The following GPATCH1 variants were observed in gnomAD, a reference collection of about 807,000 sequenced individuals.
GPATCH1 encodes G patch domain-containing protein 1.
Under a neutral mutation model 114.9 loss-of-function variants are expected in GPATCH1, and 73 were observed. The ratio of observed to expected loss-of-function variants is 0.64; its 90% CI spans 0.53 to 0.77. GPATCH1 has a LOEUF of 0.77. Ranked by LOEUF, GPATCH1 falls within the 30% of genes least tolerant of loss-of-function variation. The pLI, the probability that GPATCH1 is intolerant of heterozygous loss-of-function variation, is 0.00. For missense variants in GPATCH1, 1,058 were observed against 1,144.3 expected (o/e 0.92, Z 1.09); for synonymous variants, 391 against 428.4 (o/e 0.91, Z 1.08).
In GPATCH1 at chr19:33,097,857, G is replaced by A. The variant is rs780693595; in HGVS notation, c.955G>A (p.Gly319Arg). 1.5e-5 allele frequency: 25 copies of A among 1,613,808 alleles called. No homozygotes were observed. In the Admixed American group the frequency reaches 2.2e-4, roughly 14 times the overall value. ...TVLKDEEPGD[G>R]LYGWTAPRQY... ...TCTGAAGGACGAGGAGCCTGGAGAC[G>A]GACTCTATGGCTGGACAGCACCCAG... Residue 319 changes from glycine to arginine, a missense_variant, in exon 8 of 20, where the codon GGA (glycine) becomes AGA (arginine). Transcript: ENST00000170564.
rs753521777 is a variant in GPATCH1 at position 33,109,910 on chromosome 19, T to G, written c.1479T>G (p.Gly493=). 5 of 1,614,116 alleles carry G rather than the reference T, an allele frequency of 3.1e-6. No homozygotes were observed. In the East Asian group the frequency reaches 1.1e-4, roughly 36 times the overall value. The part of the protein sequence containing the change: ...GHCSWNMALG[G]GTATLKASNF... ...GCTCTTGGAACATGGCATTAGGTGG[T>G]GGGACGGCCACCTTAAAAGCCAGCA... The change falls in exon 11 of 20, where the codon GGT becomes GGG. Residue 493 remains glycine, a synonymous_variant. Transcript: ENST00000170564.
intron 1 of GPATCH1, among the ~76,000 whole-genome samples, chr19:33,083,001 G>A (rs1170769793): frequency 6.6e-6 from 1 of 152,040 alleles, no homozygotes; most frequent in Non-Finnish European, 1.5e-5. Context: ...CACTTTGGGA[G>A]GCCGAGGCGG....
chr19:33,081,308 C>T, intron 1 of GPATCH1, 42 bp downstream of exon 1: 1 of 1,484,944 alleles, frequency 6.7e-7, no homozygotes, highest in South Asian at 1.2e-5. Flanking sequence ...GAAAACAGGC[C>T]AAGGGCCCAG....
Position 33,111,038 on chromosome 19 carries a change from A to G in GPATCH1, c.1586-686A>G, listed in dbSNP as rs182957753. On this transcript the variant is annotated intron_variant, in intron 11 of 19. Coordinates refer to ENST00000170564, the MANE Select transcript of GPATCH1 (RefSeq NM_018025.3). ...CATCATATTTTATTTATTTTTTTGA[A>G]CGGAGTCTTGCTCTGTTGCCCAGGC... Among the ~76,000 whole-genome samples, 116 of 149,822 alleles carry G rather than the reference A, an allele frequency of 7.7e-4. 1 individual carries two copies. The Middle Eastern group carries it at 0.021, about 27-fold the overall frequency.
chr19:33,130,127 C>G lies in GPATCH1; in HGVS notation c.2766-3C>G. The G allele has an allele frequency of 6.2e-7, 1 of 1,609,798 alleles. No homozygotes were observed. The highest frequency in any genetic ancestry group is 8.5e-7 in the Non-Finnish European group (1 of 1,176,366). On this transcript the variant is annotated splice_polypyrimidine_tract_variant and splice_region_variant and intron_variant, in intron 19 of 19. Transcript: ENST00000170564. ...TTTCTCTCTTTTCTGTTTTCTTTTC[C>G]AGGCTGAAAAGTCTTCCACTAAGAA...
intron 8 of GPATCH1, among the ~76,000 whole-genome samples, chr19:33,100,708 C>T (rs1972716397): frequency 6.6e-6 from 1 of 150,874 alleles, no homozygotes; most frequent in Non-Finnish European, 1.5e-5. Flanking sequence ...CTCATCTGCA[C>T]TGCTTGCTGT....
chr19:33,112,255 C>T (rs1462645844), intron 12 of GPATCH1, among the ~76,000 whole-genome samples: 1 of 152,156 alleles, frequency 6.6e-6, no homozygotes, highest in Admixed American at 6.6e-5. Context: ...CATGAGCCAC[C>T]ATGCCCGGCC....
intron 15 of GPATCH1, among the ~76,000 whole-genome samples, chr19:33,115,765 G>A (rs1036331531): frequency 3.3e-5 from 5 of 152,020 alleles, no homozygotes; most frequent in African/African-American, 1.2e-4. Flanking sequence ...AAAGTGCTGG[G>A]ATTACAGGCA....
At chr19:33,127,606 C>T (rs1200938801) in intron 19 of GPATCH1, among the ~76,000 whole-genome samples, 3 of 152,028 alleles carry the variant, frequency 2.0e-5, no homozygotes, top group Admixed American at 6.6e-5. Flanking sequence ...CCTCTACTTT[C>T]TCCACAGTAA....
intron 19 of GPATCH1, among the ~76,000 whole-genome samples, chr19:33,128,824 C>T (rs77593568): frequency 0.021 from 3,160 of 152,232 alleles, 94 homozygotes; most frequent in African/African-American, 0.073. Flanking sequence ...GAGCACACCA[C>T]GGTATGTTTA....
At chr19:33,123,689 A>T (rs1009289050) in intron 17 of GPATCH1, among the ~76,000 whole-genome samples, 1 of 152,014 alleles carries the variant, frequency 6.6e-6, no homozygotes, top group Non-Finnish European at 1.5e-5. Flanking sequence ...TCAAGGCTGT[A>T]ATGAGCTGTG....
chr19:33,095,310 C>G (rs894575040), intron 5 of GPATCH1, among the ~76,000 whole-genome samples: 1 of 135,912 alleles, frequency 7.4e-6, no homozygotes, highest in African/African-American at 2.8e-5. Context: ...GTTGCCCAGG[C>G]TGAAGTACAA....
Position 33,095,643 on chromosome 19 carries a change from C to G in GPATCH1, c.554-119C>G, listed in dbSNP as rs905133960. 1.8e-5 allele frequency: 13 copies of G among 735,076 alleles called. No individual in the cohort carries two copies. In the African/African-American group the frequency reaches 2.1e-4, roughly 12 times the overall value. The allele number at this position is 735,076 out of a possible 1,614,324, so 45.5% of individuals were successfully genotyped here. A position where few individuals can be genotyped will look rare whatever the true frequency, so the allele number is the denominator to read the frequency against. ...TCTTGAACTCCTGGGCTCAAGCGAT[C>G]CTCTCACCTCAGCCTCCCAGAGTGC... On this transcript the variant is annotated intron_variant, in intron 5 of 19. Transcript: ENST00000170564.
chr19:33,122,418 A>G (rs1269814537), intron 17 of GPATCH1, among the ~76,000 whole-genome samples: 1 of 149,986 alleles, frequency 6.7e-6, no homozygotes, highest in African/African-American at 2.5e-5. Context: ...TGCGCCTCCC[A>G]GGTTCACGCC....
At chr19:33,104,887 T>C (rs1454460647) in intron 9 of GPATCH1, among the ~76,000 whole-genome samples, 1 of 152,116 alleles carries the variant, frequency 6.6e-6, no homozygotes, top group Non-Finnish European at 1.5e-5. Flanking sequence ...ACGTGTGGAT[T>C]TGTTAGACCA....
intron 2 of GPATCH1, among the ~76,000 whole-genome samples, chr19:33,089,557 G>A (rs1295652513): frequency 2.6e-5 from 4 of 152,110 alleles, no homozygotes; most frequent in African/African-American, 7.2e-5. Context: ...TAGTGAGCAC[G>A]GAAGATGAAC....
intron 3 of GPATCH1, among the ~76,000 whole-genome samples, chr19:33,091,413 C>CAAAAAAAA (rs1184888892): frequency 8.0e-4 from 36 of 44,934 alleles, no homozygotes; most frequent in Non-Finnish European, 1.1e-3. Context: ...GACTCCGTCT[C>CAAAAAAAA]AAAAAAAAAA....
At chr19:33,117,094 G>GCTA (rs1972924375) in intron 15 of GPATCH1, among the ~76,000 whole-genome samples, 1 of 152,064 alleles carries the variant, frequency 6.6e-6, no homozygotes, top group Non-Finnish European at 1.5e-5. Context: ...TACTCAAGGG[G>GCTA]CTACGGTTGG....
In GPATCH1 at chr19:33,130,007, T is replaced by C. The variant is rs564081642; in HGVS notation, c.2766-123T>C. The C allele has an allele frequency of 4.4e-6, 3 of 687,396 alleles. No individual in the cohort carries two copies. The African/African-American group carries it at 5.4e-5, about 12-fold the overall frequency. 42.6% of individuals were successfully genotyped at this position (687,396 alleles called of 1,614,324 possible). ...TTCATTGTGGGTTATTGTGAGTGCA[T>C]TTTGTAGGTGCAGACATGCTGCTGT... On this transcript the variant is annotated intron_variant, in intron 19 of 19. Coordinates refer to ENST00000170564, the MANE Select transcript of GPATCH1 (RefSeq NM_018025.3).
Sources: allele counts gnomAD v4.1 joint callset (sites outside exome capture counted in the v4.1 genomes callset), GRCh38; gene constraint gnomAD v4.1.1; transcripts MANE v1.5; gene names NCBI Gene and HGNC (gene_info 2026-07-23, HGNC 2026-07-21).